CNTN4: variants seen among roughly 807,000 people sequenced by gnomAD.
CNTN4 encodes contactin-4.
CNTN4 carries 77 observed loss-of-function variants against 122.5 expected under a neutral mutation model. That is an observed-to-expected ratio of 0.63 (90% confidence interval 0.52 to 0.76). The LOEUF is 0.76. Ranked by LOEUF, CNTN4 falls within the 30% of genes least tolerant of loss-of-function variation. CNTN4 has a pLI of 0.00. For synonymous variants in CNTN4, 512 were observed against 447.0 expected (o/e 1.15, Z -1.83); for missense variants, 1,256 against 1,259.1 (o/e 1.00, Z 0.04).
chr3:2,122,077 C>T (rs2033830437), intron 2 of CNTN4, among the ~76,000 whole-genome samples: 1 of 151,804 alleles, frequency 6.6e-6, no homozygotes, highest in Non-Finnish European at 1.5e-5. Flanking sequence ...ATGGCGGGAA[C>T]CCGGGAGGCG....
intron 2 of CNTN4, among the ~76,000 whole-genome samples, chr3:2,148,975 G>GTT (rs2035376875): frequency 6.6e-6 from 1 of 151,456 alleles, no homozygotes; most frequent in Admixed American, 6.6e-5. Flanking sequence ...TGTGTGTTGG[G>GTT]GGGGTGGTGT....
At chr3:2,189,979 A>G (rs1030082924) in intron 2 of CNTN4, among the ~76,000 whole-genome samples, 3 of 152,152 alleles carry the variant, frequency 2.0e-5, no homozygotes, top group Admixed American at 1.3e-4. Flanking sequence ...GTCTCCTCAT[A>G]CAGGAAGGTG....
chr3:2,677,788 A>T (rs968847322), intron 4 of CNTN4, among the ~76,000 whole-genome samples: 1 of 152,146 alleles, frequency 6.6e-6, no homozygotes, highest in Admixed American at 6.5e-5. Flanking sequence ...AAAGGAGTGA[A>T]TGTTAGAAAA....
chr3:2,682,644 C>T (rs952485624), intron 4 of CNTN4, among the ~76,000 whole-genome samples: 3 of 151,994 alleles, frequency 2.0e-5, no homozygotes, highest in Non-Finnish European at 4.4e-5. Flanking sequence ...AGAGTAGCTC[C>T]ATTTGAATAC....
chr3:2,705,579 T>TTA (rs1379276807), intron 4 of CNTN4, among the ~76,000 whole-genome samples: 1 of 71,416 alleles, frequency 1.4e-5, no homozygotes, highest in East Asian at 4.4e-4. Context: ...ATAAATTTAT[T>TTA]TATATATATA....
intron 14 of CNTN4, among the ~76,000 whole-genome samples, chr3:3,024,801 C>A (rs752832461): frequency 6.6e-6 from 1 of 152,146 alleles, no homozygotes; most frequent in Non-Finnish European, 1.5e-5. Context: ...GTAAGACTCA[C>A]AAAAATTCTC....
intron 13 of CNTN4, among the ~76,000 whole-genome samples, chr3:2,939,713 G>T (rs981242905): frequency 1.3e-5 from 2 of 152,164 alleles, no homozygotes; most frequent in Admixed American, 6.5e-5. Flanking sequence ...AGAAAGAATG[G>T]TTTCTTAATG....
At chr3:2,856,418 C>G (rs1457385534) in intron 7 of CNTN4, among the ~76,000 whole-genome samples, 1 of 152,026 alleles carries the variant, frequency 6.6e-6, no homozygotes, top group Non-Finnish European at 1.5e-5. Context: ...AGCAGGGAAA[C>G]ACGTCCTGAG....
Position 3,021,379 on chromosome 3 carries a change from G to T in CNTN4, c.1487-4723G>T, listed in dbSNP as rs767112492. ...TCATTAATCAACACTCTTTGCTGTG[G>T]CATTTAAATATGATTAAAAATAATT... On this transcript the variant is annotated intron_variant, in intron 14 of 24. Coordinates refer to ENST00000418658, the MANE Select transcript of CNTN4 (RefSeq NM_175607.3). Among the ~76,000 whole-genome samples the T allele has an allele frequency of 2.0e-4, 30 of 152,214 alleles. No individual in the cohort carries two copies. In the Middle Eastern group the frequency reaches 0.01, roughly 52 times the overall value.
chr3:2,798,557 T>G (rs2092267568), intron 6 of CNTN4, among the ~76,000 whole-genome samples: 1 of 152,190 alleles, frequency 6.6e-6, no homozygotes, highest in South Asian at 2.1e-4. Flanking sequence ...TCACCCAGGA[T>G]GGAGTGCAGT....
intron 7 of CNTN4, among the ~76,000 whole-genome samples, chr3:2,839,547 G>C (rs1339728563): frequency 6.6e-6 from 1 of 152,116 alleles, no homozygotes; most frequent in African/African-American, 2.4e-5. Context: ...AGTTACTGTA[G>C]AAATAACTTA....
rs1394109218 is a variant in CNTN4, at chr3:2,925,774, T to C, written c.1353T>C (p.Asn451=). The C allele has an allele frequency of 6.2e-7, 1 of 1,612,080 alleles. No individual in the cohort carries two copies. Among genetic ancestry groups the C allele is most frequent in the Middle Eastern group, 1.7e-4 (1 of 6,054 alleles). ...WKKGRDILKE[N]ERITISEDGN... ...AAGGAAGGGATATATTAAAAGAAAATGAAAGGTACTGTCTTGAATTATTTT... is the reference window on the plus strand; with the variant it reads ...AAGGAAGGGATATATTAAAAGAAAACGAAAGGTACTGTCTTGAATTATTTT... The change falls in exon 13 of 25, where the codon AAT becomes AAC. Residue 451 remains asparagine, a synonymous_variant. Transcript: ENST00000418658.
chr3:2,715,852 T>C (rs1175346776), intron 4 of CNTN4, among the ~76,000 whole-genome samples: 1 of 152,200 alleles, frequency 6.6e-6, no homozygotes, highest in Non-Finnish European at 1.5e-5. Flanking sequence ...AATTACTTCC[T>C]TACTTTAGAT....
chr3:2,594,416 CTTTT>C (rs36010353), intron 4 of CNTN4, among the ~76,000 whole-genome samples: 14 of 103,548 alleles, frequency 1.4e-4, no homozygotes, highest in Non-Finnish European at 1.4e-4. Context: ...TAAAATGGAT[CTTTT>C]TTTTTTTTTT....
intron 5 of CNTN4, among the ~76,000 whole-genome samples, chr3:2,738,613 G>T (rs986120627): frequency 6.6e-6 from 1 of 152,050 alleles, no homozygotes; most frequent in Non-Finnish European, 1.5e-5. Flanking sequence ...ATAATAAAAA[G>T]AATACTGTCT....
chr3:2,617,244 T>G (rs2081792542), intron 4 of CNTN4, among the ~76,000 whole-genome samples: 1 of 152,050 alleles, frequency 6.6e-6, no homozygotes, highest in South Asian at 2.1e-4. Context: ...TCTACCCATG[T>G]GACAAAGGCC....
intron 3 of CNTN4, among the ~76,000 whole-genome samples, chr3:2,490,279 T>A (rs1388556412): frequency 6.6e-6 from 1 of 152,230 alleles, no homozygotes; most frequent in African/African-American, 2.4e-5. Flanking sequence ...CCTACTGCTT[T>A]CTGCAAGAAA....
At chr3:2,252,298 C>G (rs2040408548) in intron 2 of CNTN4, among the ~76,000 whole-genome samples, 1 of 151,960 alleles carries the variant, frequency 6.6e-6, no homozygotes, top group Admixed American at 6.6e-5. Context: ...AATGGATCTT[C>G]AGCAAAACAT....
At chr3:2,124,465 C>CACAA (rs2034005409) in intron 2 of CNTN4, among the ~76,000 whole-genome samples, 1 of 148,804 alleles carries the variant, frequency 6.7e-6, no homozygotes, top group African/African-American at 2.5e-5. Context: ...CACACACACA[C>CACAA]ACACACACCC....
Sources: allele counts gnomAD v4.1 joint callset (sites outside exome capture counted in the v4.1 genomes callset), GRCh38; gene constraint gnomAD v4.1.1; transcripts MANE v1.5; gene names NCBI Gene and HGNC (gene_info 2026-07-23, HGNC 2026-07-21).